Variants in RTN1 observed in about 807,000 individuals in gnomAD.
RTN1 encodes the protein reticulon-1.
A neutral mutation model predicts 65.5 loss-of-function variants in RTN1; 25 were observed. That is an observed-to-expected ratio of 0.38 (90% CI 0.28 to 0.53). The LOEUF is 0.53. RTN1 is among the 20% of genes least tolerant of loss of function. The pLI, the probability that RTN1 is intolerant of heterozygous loss-of-function variation, is 0.79. For synonymous variants in RTN1, 471 were observed against 447.6 expected, an observed-to-expected ratio of 1.05 and a Z score of -0.66; for missense variants, 983 against 1,025.4, an observed-to-expected ratio of 0.96 and a Z score of 0.57.
At chr14:59,602,969 T>C (rs959573173) in intron 8 of RTN1, 96 bp downstream of exon 8, 1 of 843,228 alleles carries the variant, frequency 1.2e-6, no homozygotes, top group Non-Finnish European at 1.9e-6. Flanking sequence ...TAAATCAATC[T>C]ATCATTTTAC....
At chr14:59,711,411 G>A (rs758509327) in intron 3 of RTN1, among the ~76,000 whole-genome samples, 9 of 152,134 alleles carry the variant, frequency 5.9e-5, no homozygotes, top group African/African-American at 9.7e-5. Context: ...AATGCTCTTC[G>A]TGAGTAATAG....
chr14:59,722,854 G>C (rs1463694558), intron 3 of RTN1, among the ~76,000 whole-genome samples: 2 of 150,764 alleles, frequency 1.3e-5, no homozygotes, highest in Non-Finnish European at 2.9e-5. Context: ...CTGGAGTGCA[G>C]TGGTGTGATC....
At chr14:59,767,615 G>A (rs1017037381) in intron 1 of RTN1, among the ~76,000 whole-genome samples, 1 of 152,148 alleles carries the variant, frequency 6.6e-6, no homozygotes, top group African/African-American at 2.4e-5. Flanking sequence ...GTAGACAGCA[G>A]AAAGAATAAA....
chr14:59,807,143 A>C (rs983532549), intron 1 of RTN1, among the ~76,000 whole-genome samples: 1 of 152,202 alleles, frequency 6.6e-6, no homozygotes, highest in Non-Finnish European at 1.5e-5. Flanking sequence ...TGTCAGTATG[A>C]CTTTCAAGTC....
At chr14:59,784,814 C>T (rs77296021) in intron 1 of RTN1, among the ~76,000 whole-genome samples, 1,851 of 152,136 alleles carry the variant, frequency 0.012, 29 homozygotes, top group African/African-American at 0.038. Flanking sequence ...ATGTAATTAA[C>T]GACACTTTTG....
At chr14:59,732,220 G>C (rs765360710) in intron 2 of RTN1, among the ~76,000 whole-genome samples, 2 of 152,174 alleles carry the variant, frequency 1.3e-5, no homozygotes, top group African/African-American at 4.8e-5. Flanking sequence ...AATGATGCAG[G>C]GTTGATGTAA....
chr14:59,870,683 T>C lies in RTN1; in HGVS notation c.-53A>G. On this transcript the variant is annotated 5_prime_UTR_variant, in exon 1 of 9. Transcript: ENST00000267484. The surrounding 1 kb of genome is among the most constrained non-coding windows in gnomAD (Gnocchi z 5.1). ...GCGGCTTGGCTGGGCAGAGGCTCGGTGGCTGCGCGGGCGCTCCCTGCTGCT... is the reference window on the plus strand; with the variant it reads ...GCGGCTTGGCTGGGCAGAGGCTCGGCGGCTGCGCGGGCGCTCCCTGCTGCT... 1 of 1,313,324 alleles carries C rather than the reference T, an allele frequency of 7.6e-7. No individual in the cohort carries two copies. The allele number at this position is 1,313,324 out of a possible 1,614,324, so 81.4% of individuals were successfully genotyped here.
At chr14:59,751,191 CTT>C (rs34021179) in intron 1 of RTN1, among the ~76,000 whole-genome samples, 7 of 90,804 alleles carry the variant, frequency 7.7e-5, no homozygotes, top group African/African-American at 1.4e-4. Flanking sequence ...CTCATTATAC[CTT>C]TTTTTTTTTT....
chr14:59,781,435 T>C (rs774819596), intron 1 of RTN1, among the ~76,000 whole-genome samples: 4 of 152,056 alleles, frequency 2.6e-5, no homozygotes, highest in African/African-American at 7.2e-5. Flanking sequence ...GCAACAACAA[T>C]TGGAACAGAA....
chr14:59,787,793 A>G (rs1886278437), intron 1 of RTN1, among the ~76,000 whole-genome samples: 1 of 152,164 alleles, frequency 6.6e-6, no homozygotes, highest in Non-Finnish European at 1.5e-5. Flanking sequence ...AAATTCAAAC[A>G]GGACAAAAGG....
At chr14:59,834,342 A>G (rs968405249) in intron 1 of RTN1, among the ~76,000 whole-genome samples, 8 of 152,172 alleles carry the variant, frequency 5.3e-5, no homozygotes, top group Admixed American at 3.9e-4. Context: ...ACATTCCATA[A>G]AAGAATGAAC....
intron 3 of RTN1, among the ~76,000 whole-genome samples, chr14:59,708,599 C>T (rs1884350202): frequency 6.6e-6 from 1 of 152,170 alleles, no homozygotes; most frequent in South Asian, 2.1e-4. Flanking sequence ...GCATGAGCTA[C>T]CCAGTTGAGA....
intron 3 of RTN1, among the ~76,000 whole-genome samples, chr14:59,635,862 TA>T (rs1462053019): frequency 2.0e-5 from 3 of 152,152 alleles, no homozygotes; most frequent in South Asian, 2.1e-4. Context: ...AGAGAATGAA[TA>T]TTTTTTTTCT....
intron 3 of RTN1, among the ~76,000 whole-genome samples, chr14:59,673,313 G>A (rs1172521663): frequency 1.3e-5 from 2 of 152,090 alleles, no homozygotes; most frequent in African/African-American, 2.4e-5. Context: ...GTTGCTCGGC[G>A]AGTGGGAGGG....
chr14:59,775,641 G>C (rs898838163), intron 1 of RTN1, among the ~76,000 whole-genome samples: 25 of 152,164 alleles, frequency 1.6e-4, no homozygotes, highest in African/African-American at 5.8e-4. Flanking sequence ...GGCATAGTGA[G>C]AGTAAGATCA....
chr14:59,600,782 A>G (rs1267973486), intron 8 of RTN1, among the ~76,000 whole-genome samples: 3 of 152,230 alleles, frequency 2.0e-5, no homozygotes, highest in Non-Finnish European at 2.9e-5. Flanking sequence ...CATATTAGTC[A>G]TAGGTAACAT....
intron 1 of RTN1, among the ~76,000 whole-genome samples, chr14:59,795,092 G>A (rs1268329245): frequency 6.6e-6 from 1 of 152,120 alleles, no homozygotes; most frequent in Non-Finnish European, 1.5e-5. Flanking sequence ...AGTTCTACAT[G>A]AAAATAATTC....
At chr14:59,783,163 TC>T (rs1886187769) in intron 1 of RTN1, among the ~76,000 whole-genome samples, 1 of 152,200 alleles carries the variant, frequency 6.6e-6, no homozygotes, top group Admixed American at 6.5e-5. Flanking sequence ...TATATGTTGA[TC>T]CCTATGTTGT....
At position 59,727,388 on chromosome 14, in the gene RTN1, C is replaced by T. The variant is rs1469440310; in HGVS notation, c.1296G>A (p.Val432=). 3 of 1,541,056 alleles carry T rather than the reference C, an allele frequency of 1.9e-6. No individual in the cohort carries two copies. Among genetic ancestry groups the T allele is most frequent in the Non-Finnish European group, 2.6e-6 (3 of 1,143,112 alleles). The part of the protein sequence containing the change: ...AAEDALPSGY[V]SFGHVGGPPP... ...GCGGGCCGCCCACGTGGCCAAAGCT[C>T]ACATAGCCTGAGGGCAGCGCGTCCT... is the stretch of plus-strand genomic sequence containing the variant. The change falls in exon 3 of 9, where the codon GTG becomes GTA. Residue 432 remains valine (V), a synonymous_variant. Transcript: ENST00000267484. The surrounding 1 kb of genome is among the most constrained non-coding windows in gnomAD (Gnocchi z 4.2).
Sources: allele counts gnomAD v4.1 joint callset (sites outside exome capture counted in the v4.1 genomes callset), GRCh38; gene constraint gnomAD v4.1.1; non-coding constraint Gnocchi (gnomAD v3.1); transcripts MANE v1.5; gene names NCBI Gene and HGNC (gene_info 2026-07-23, HGNC 2026-07-21).